The following SPRED2 variants were observed in gnomAD, a reference collection of about 807,000 sequenced individuals.
The protein encoded by SPRED2 is sprouty-related, EVH1 domain-containing protein 2.
In SPRED2, 47 loss-of-function variants were observed where a neutral mutation model predicts 43.0. That is an observed-to-expected ratio of 1.09 (90% CI 0.87 to 1.40). SPRED2 has a LOEUF of 1.40. Ranked by LOEUF, SPRED2 falls within the 40% of genes most tolerant of loss-of-function variation. The probability of loss-of-function intolerance (pLI) is 0.00; values close to 1 mark genes in which losing one functional copy is unlikely to be tolerated. For synonymous variants in SPRED2, 225 were observed against 225.7 expected (o/e 1.00, Z 0.03); for missense variants, 561 against 586.4 (o/e 0.96, Z 0.45).
intron 1 of SPRED2, among the ~76,000 whole-genome samples, chr2:65,378,736 A>G (rs956688649): frequency 1.1e-4 from 17 of 152,186 alleles, no homozygotes; most frequent in East Asian, 5.8e-4. Context: ...CAACTAACAC[A>G]TTGGTTCTCA....
At chr2:65,387,971 T>G (rs887755599) in intron 1 of SPRED2, among the ~76,000 whole-genome samples, 2 of 152,138 alleles carry the variant, frequency 1.3e-5, no homozygotes, top group African/African-American at 2.4e-5. Flanking sequence ...TTTTGTATTT[T>G]CAGTAGAGAC....
At chr2:65,351,664 T>C (rs555146581) in intron 1 of SPRED2, among the ~76,000 whole-genome samples, 43 of 152,364 alleles carry the variant, frequency 2.8e-4, no homozygotes, top group African/African-American at 9.9e-4. Context: ...TTTGATTTCA[T>C]CGAATTATAT....
intron 1 of SPRED2, among the ~76,000 whole-genome samples, chr2:65,413,630 C>T (rs186969048): frequency 4.6e-5 from 7 of 152,302 alleles, no homozygotes; most frequent in East Asian, 3.9e-4. Flanking sequence ...GGGACCCAGG[C>T]ATTCCACATC....
chr2:65,327,889 A>C (rs924373747), intron 4 of SPRED2, among the ~76,000 whole-genome samples: 4 of 151,114 alleles, frequency 2.6e-5, no homozygotes, highest in Non-Finnish European at 4.4e-5. Flanking sequence ...ATGCCTGGCT[A>C]ATTTTTGTAT....
chr2:65,419,077 G>A (rs1253162953), intron 1 of SPRED2, among the ~76,000 whole-genome samples: 1 of 152,136 alleles, frequency 6.6e-6, no homozygotes, highest in Non-Finnish European at 1.5e-5. Flanking sequence ...GTCAGTGGCA[G>A]ACCTAAGTTT....
intron 1 of SPRED2, among the ~76,000 whole-genome samples, chr2:65,415,195 ACT>A (rs754689723): frequency 1.8e-4 from 28 of 152,186 alleles, no homozygotes; most frequent in Non-Finnish European, 3.8e-4. Flanking sequence ...GTTGTGTAAG[ACT>A]CTGTCCCATT....
intron 1 of SPRED2, among the ~76,000 whole-genome samples, chr2:65,427,250 T>A (rs1198977235): frequency 6.6e-6 from 1 of 151,328 alleles, no homozygotes; most frequent in African/African-American, 2.5e-5. Context: ...TTTTATTTTT[T>A]ATTTTTTTGG....
At position 65,432,144 on chromosome 2, in the gene SPRED2, A is replaced by G. The variant is rs536246791; in HGVS notation, c.-157T>C. The G allele has an allele frequency of 9.0e-4, 815 of 903,346 alleles. 4 individuals carry two copies. In the African/African-American group the frequency reaches 0.01, roughly 12 times the overall value. The allele number at this position is 903,346 out of a possible 1,614,324, so 56.0% of individuals were successfully genotyped here. The stretch of plus-strand genomic sequence containing the variant: ...AGGGCGCCGCAGCAGAAGGGGAAGC[A>G]GGGCGCGGGATAGGGTTTGGGGGAA... On this transcript the variant is annotated 5_prime_UTR_variant, in exon 1 of 6. Transcript: ENST00000356388.
intron 1 of SPRED2, among the ~76,000 whole-genome samples, chr2:65,356,623 G>C (rs1032046113): frequency 7.1e-6 from 1 of 141,774 alleles, no homozygotes; most frequent in Admixed American, 7.9e-5. Context: ...AAGAAGGTCA[G>C]GAAATGACTC....
intron 1 of SPRED2, among the ~76,000 whole-genome samples, chr2:65,386,868 T>A (rs909617108): frequency 6.6e-6 from 1 of 151,946 alleles, no homozygotes; most frequent in Non-Finnish European, 1.5e-5. Flanking sequence ...AAGTATAATT[T>A]AAAAAAACAA....
At chr2:65,333,803 T>C (rs1673884851) in intron 3 of SPRED2, among the ~76,000 whole-genome samples, 1 of 152,150 alleles carries the variant, frequency 6.6e-6, no homozygotes, top group Admixed American at 6.5e-5. Context: ...TTTTTCCTCT[T>C]CCCCCAAATC....
At chr2:65,359,988 C>A (rs1181419741) in intron 1 of SPRED2, among the ~76,000 whole-genome samples, 6 of 149,188 alleles carry the variant, frequency 4.0e-5, no homozygotes, top group Admixed American at 2.0e-4. Context: ...TCGCTAGAAC[C>A]CCGGAGGCGG....
At chr2:65,399,584 T>C (rs1415039425) in intron 1 of SPRED2, among the ~76,000 whole-genome samples, 1 of 151,974 alleles carries the variant, frequency 6.6e-6, no homozygotes, top group African/African-American at 2.4e-5. Flanking sequence ...GGTTTCACCA[T>C]GTTGGCGAGG....
intron 1 of SPRED2, among the ~76,000 whole-genome samples, chr2:65,391,767 C>T (rs997602362): frequency 2.6e-5 from 4 of 152,236 alleles, no homozygotes; most frequent in African/African-American, 9.6e-5. Context: ...AGAAAGGGTG[C>T]ACTGAATTCT....
At chr2:65,404,437 A>T (rs1371711802) in intron 1 of SPRED2, among the ~76,000 whole-genome samples, 7 of 152,234 alleles carry the variant, frequency 4.6e-5, no homozygotes, top group Non-Finnish European at 1.0e-4. Context: ...AAGTTGTTTC[A>T]AAATCTCCTC....
rs182992240 is a variant in SPRED2 at position 65,323,870 on chromosome 2, C to G, written c.439-6987G>C. 4.6e-5 allele frequency among the ~76,000 whole-genome samples: 7 copies of G among 151,914 alleles called. No individual in the cohort carries two copies. In the East Asian group the frequency reaches 1.4e-3, roughly 29 times the overall value. ...CAGCCTGGGCGACAGAGCAAGACTC[C>G]GTCTCAAAAAAATCCATCCCTTCCC... On this transcript the variant is annotated intron_variant, in intron 4 of 5. Coordinates refer to ENST00000356388, the MANE Select transcript of SPRED2 (RefSeq NM_181784.3).
chr2:65,370,412 T>C (rs1675096075), intron 1 of SPRED2, among the ~76,000 whole-genome samples: 1 of 152,214 alleles, frequency 6.6e-6, no homozygotes, highest in African/African-American at 2.4e-5. Context: ...CGAGTGTTTA[T>C]ATGCTGTCTA....
intron 1 of SPRED2, 51 bp downstream of exon 1, chr2:65,431,911 C>T: frequency 6.2e-7 from 1 of 1,609,128 alleles, no homozygotes; most frequent in South Asian, 1.1e-5. Flanking sequence ...AGCCCCGGCC[C>T]CCACGCTGCC....
chr2:65,366,627 C>CGA, intron 1 of SPRED2: 1 of 1,552,816 alleles, frequency 6.4e-7, no homozygotes, highest in Non-Finnish European at 8.7e-7. Context: ...TTGTGGAGCC[C>CGA]GAGTGCTGGG....
Sources: allele counts gnomAD v4.1 joint callset (sites outside exome capture counted in the v4.1 genomes callset), GRCh38; gene constraint gnomAD v4.1.1; transcripts MANE v1.5; gene names NCBI Gene and HGNC (gene_info 2026-07-23, HGNC 2026-07-21).